NYAP2: variants seen among roughly 807,000 people sequenced by gnomAD.
NYAP2 encodes neuronal tyrosine-phosphorylated phosphoinositide-3-kinase adaptor 2, also known as neuronal tyrosine-phosphorylated phosphoinositide-3-kinase adapter 2.
In NYAP2, 23 loss-of-function variants were observed where a neutral mutation model predicts 50.4. The ratio of observed to expected loss-of-function variants is 0.46; its 90% CI spans 0.33 to 0.65. The LOEUF is 0.65. Ranked by LOEUF, NYAP2 falls within the 30% of genes least tolerant of loss-of-function variation. NYAP2 has a pLI of 0.02. For missense variants in NYAP2, 885 were observed against 861.0 expected (o/e 1.03, Z -0.35); for synonymous variants, 394 against 365.2 (o/e 1.08, Z -0.90).
At chr2:225,565,675 C>A (rs1262253071) in intron 4 of NYAP2, among the ~76,000 whole-genome samples, 1 of 152,082 alleles carries the variant, frequency 6.6e-6, no homozygotes, top group Admixed American at 6.6e-5. Flanking sequence ...CATTTTAAGC[C>A]CTTCCTATAT....
chr2:225,539,574 A>G (rs1172445171), intron 4 of NYAP2, among the ~76,000 whole-genome samples: 1 of 152,008 alleles, frequency 6.6e-6, no homozygotes, highest in Non-Finnish European at 1.5e-5. Context: ...TATTGTTTTG[A>G]TTTGCATTTT....
chr2:225,537,366 C>A (rs566876282), intron 4 of NYAP2, among the ~76,000 whole-genome samples: 1 of 151,988 alleles, frequency 6.6e-6, no homozygotes, highest in African/African-American at 2.4e-5. Flanking sequence ...AAGACATACC[C>A]GAGACTGGGC....
At chr2:225,529,226 C>G (rs1390983866) in intron 4 of NYAP2, among the ~76,000 whole-genome samples, 1 of 152,182 alleles carries the variant, frequency 6.6e-6, no homozygotes, top group Non-Finnish European at 1.5e-5. Flanking sequence ...TTCTAGACTT[C>G]AACATGGCCC....
At chr2:225,461,682 T>C (rs1483115356) in intron 3 of NYAP2, among the ~76,000 whole-genome samples, 1 of 152,222 alleles carries the variant, frequency 6.6e-6, no homozygotes, top group Non-Finnish European at 1.5e-5. Context: ...ATCTACAAAG[T>C]ATATCCCTAA....
chr2:225,609,083 A>G (rs1692837220), intron 5 of NYAP2, among the ~76,000 whole-genome samples: 1 of 152,092 alleles, frequency 6.6e-6, no homozygotes, highest in Non-Finnish European at 1.5e-5. Context: ...AAATTCTTTA[A>G]TTGACTCCCA....
chr2:225,405,713 A>T (rs570472084), intron 2 of NYAP2, among the ~76,000 whole-genome samples: 1 of 151,760 alleles, frequency 6.6e-6, no homozygotes, highest in South Asian at 2.1e-4. Context: ...AAGGGTGGAG[A>T]CCTAGGGTTT....
chr2:225,486,098 G>A (rs1690293883), intron 3 of NYAP2, among the ~76,000 whole-genome samples: 1 of 152,126 alleles, frequency 6.6e-6, no homozygotes. Context: ...CTTATCATGA[G>A]GCCACCCACC....
intron 3 of NYAP2, among the ~76,000 whole-genome samples, chr2:225,450,068 A>T (rs957606077): frequency 1.3e-5 from 2 of 152,150 alleles, no homozygotes; most frequent in Non-Finnish European, 2.9e-5. Flanking sequence ...TGTGGTCTTG[A>T]TCCTTACTGT....
At chr2:225,436,226 C>T (rs1167111543) in intron 3 of NYAP2, among the ~76,000 whole-genome samples, 2 of 152,180 alleles carry the variant, frequency 1.3e-5, no homozygotes, top group African/African-American at 4.8e-5. Context: ...AAACATGTAT[C>T]AGTTTCCTTG....
chr2:225,602,730 G>C (rs1291356405), intron 5 of NYAP2, among the ~76,000 whole-genome samples: 2 of 152,142 alleles, frequency 1.3e-5, no homozygotes, highest in Admixed American at 6.6e-5. Context: ...TCATCCCAGT[G>C]AATGATCTTG....
At chr2:225,616,670 G>T (rs1167125812) in intron 5 of NYAP2, among the ~76,000 whole-genome samples, 2 of 152,110 alleles carry the variant, frequency 1.3e-5, no homozygotes, top group African/African-American at 4.8e-5. Context: ...TTTCAGAATT[G>T]AGCCAAGGTT....
intron 3 of NYAP2, among the ~76,000 whole-genome samples, chr2:225,478,050 T>A (rs973002861): frequency 8.5e-5 from 13 of 152,212 alleles, no homozygotes; most frequent in African/African-American, 2.9e-4. Context: ...CAGGAACGGT[T>A]GAAATTAATC....
rs530431451 is a variant in NYAP2 at position 225,411,324 on chromosome 2, T to C, written c.221+2223T>C. 1.1e-4 allele frequency among the ~76,000 whole-genome samples: 16 copies of C among 152,284 alleles called. No individual in the cohort carries two copies. In the South Asian group the frequency reaches 3.1e-3, roughly 30 times the overall value. ...GGTTTGTTCTGTTGTTGTTTTCTAC[T>C]TTATTTTGTTTCTGCCTAAGCTAGC... On this transcript the variant is annotated intron_variant, in intron 3 of 6. Coordinates refer to ENST00000636099, the Ensembl canonical transcript of NYAP2.
At chr2:225,447,149 G>A (rs1689576589) in intron 3 of NYAP2, among the ~76,000 whole-genome samples, 1 of 152,170 alleles carries the variant, frequency 6.6e-6, no homozygotes, top group Non-Finnish European at 1.5e-5. Context: ...TCTGCCAGGA[G>A]TCTAATAAGA....
At chr2:225,549,680 T>A (rs1422739978) in intron 4 of NYAP2, among the ~76,000 whole-genome samples, 1 of 152,098 alleles carries the variant, frequency 6.6e-6, no homozygotes, top group Non-Finnish European at 1.5e-5. Context: ...ATGCAGTAGA[T>A]GAGAGGGTCT....
At chr2:225,452,066 A>T (rs150330217) in intron 3 of NYAP2, among the ~76,000 whole-genome samples, 24 of 152,184 alleles carry the variant, frequency 1.6e-4, no homozygotes, top group Admixed American at 1.6e-3. Context: ...CTTAACACCA[A>T]TTACCAGGAA....
chr2:225,605,582 T>C (rs1175984323), intron 5 of NYAP2, among the ~76,000 whole-genome samples: 2 of 152,044 alleles, frequency 1.3e-5, no homozygotes, highest in Admixed American at 6.6e-5. Flanking sequence ...TACTCACTGG[T>C]TGGTTGTGGT....
intron 6 of NYAP2, among the ~76,000 whole-genome samples, chr2:225,640,235 AG>A (rs1693503927): frequency 6.6e-6 from 1 of 152,188 alleles, no homozygotes; most frequent in African/African-American, 2.4e-5. Context: ...CTAACCCATG[AG>A]ATTTCACCTT....
chr2:225,498,217 G>A (rs763848562), intron 3 of NYAP2, among the ~76,000 whole-genome samples: 29 of 151,978 alleles, frequency 1.9e-4, no homozygotes, highest in Admixed American at 3.3e-4. Context: ...ATTGTATAAT[G>A]TCAAGGTTGT....
Sources: gnomAD v4.1 joint callset for allele counts (sites outside exome capture counted in the v4.1 genomes callset) on GRCh38, gnomAD v4.1.1 for gene constraint, MANE v1.5 for transcripts, NCBI Gene and HGNC (gene_info 2026-07-23, HGNC 2026-07-21) for gene names.